C1orf50: variants seen among roughly 807,000 people sequenced by gnomAD.
The protein encoded by C1orf50 is uncharacterized protein C1orf50.
Under a neutral mutation model 23.3 loss-of-function variants are expected in C1orf50, and 22 were observed. The ratio of observed to expected loss-of-function variants is 0.94; its 90% CI spans 0.67 to 1.35. The LOEUF (loss-of-function observed/expected upper bound fraction) is 1.35. Among genes scored for constraint, C1orf50 ranks in the 40% most tolerant of loss-of-function variants. The pLI is 0.00. For missense variants in C1orf50, 271 were observed against 249.4 expected (o/e 1.09, Z -0.58); for synonymous variants, 96 against 102.4 (o/e 0.94, Z 0.38).
At chr1:42,770,767 A>G (rs115532857) in intron 2 of C1orf50, among the ~76,000 whole-genome samples, 1,815 of 152,176 alleles carry the variant, frequency 0.012, 45 homozygotes, top group African/African-American at 0.041. Flanking sequence ...TTCTTTTACC[A>G]TGGGCTACAA....
At chr1:42,767,704 C>T in intron 2 of C1orf50, 80 bp downstream of exon 2, 3 of 1,276,742 alleles carry the variant, frequency 2.3e-6, no homozygotes, top group Middle Eastern at 1.9e-4. Context: ...GACCTCACTA[C>T]CACCTATGGT....
intron 3 of C1orf50, 43 bp from the exon 4 acceptor site, chr1:42,774,694 G>A (rs1305646765): frequency 7.0e-6 from 11 of 1,567,798 alleles, no homozygotes; most frequent in Non-Finnish European, 5.2e-6. Context: ...GTGGGTGCCT[G>A]TTATCTCCAA....
rs1257725937 is a variant in C1orf50 at position 42,767,407 on chromosome 1, T to C, written c.79+17T>C. 48 of 1,553,224 alleles carry C rather than the reference T, an allele frequency of 3.1e-5. 1 individual carries two copies. In the East Asian group the frequency reaches 1.2e-3, roughly 37 times the overall value. ...GCCAGGGAGGTATGCGGGGCGGGAG[T>C]CAGCAGGGGGAAGTCAGCTCCCGCG... On this transcript the variant is annotated intron_variant, in intron 1 of 4. Coordinates refer to ENST00000372525, the MANE Select transcript of C1orf50 (RefSeq NM_024097.4).
At chr1:42,771,889 A>G (rs939451903) in intron 2 of C1orf50, among the ~76,000 whole-genome samples, 3 of 150,968 alleles carry the variant, frequency 2.0e-5, no homozygotes, top group African/African-American at 4.9e-5. Flanking sequence ...GAGGTGCGAG[A>G]TTTGCTTGAA....
chr1:42,774,829 G>A lies in C1orf50; in HGVS notation c.375G>A (p.Arg125=). Residue 125 remains arginine (R), a synonymous_variant, in exon 4 of 5, where the codon CGG becomes CGA. Transcript: ENST00000372525. The part of the protein sequence containing the change: ...KPGNIYYLYK[R]ESGQQYFSII... Reference sequence around the variant, plus strand: ...GCAACATTTACTATCTCTATAAACGGGAGAGTGGTCAGCAGTATTTTTCCA... The same window carrying A: ...GCAACATTTACTATCTCTATAAACGAGAGAGTGGTCAGCAGTATTTTTCCA... 3 of 1,613,230 alleles carry A rather than the reference G, an allele frequency of 1.9e-6. No homozygotes were observed. Among genetic ancestry groups the A allele is most frequent in the Non-Finnish European group, 2.5e-6 (3 of 1,179,738 alleles).
chr1:42,772,599 G>A (rs1653245676), intron 2 of C1orf50, among the ~76,000 whole-genome samples: 1 of 152,126 alleles, frequency 6.6e-6, no homozygotes, highest in Non-Finnish European at 1.5e-5. Flanking sequence ...TGGACAACAT[G>A]GTGAAACCCT....
Position 42,767,526 on chromosome 1 carries a change from A to G in C1orf50, c.97A>G (p.Thr33Ala). The stretch of plus-strand genomic sequence containing the variant: ...TGTCGCAGGAGCCCTGGTGGAGCTC[A>G]CCCCGACCCCCGGCGGCCTGGCCCT... ...AGQGGALVELTPTPGGLALVS... is the reference protein window; with the variant it reads ...AGQGGALVELAPTPGGLALVS... Residue 33 changes from threonine (T) to alanine (A), a missense_variant, in exon 2 of 5, where the codon ACC becomes GCC. Transcript: ENST00000372525. 6.3e-7 allele frequency: 1 copy of G among 1,584,186 alleles called. No homozygotes were observed. Among genetic ancestry groups the G allele is most frequent in the Non-Finnish European group, 8.6e-7 (1 of 1,165,944 alleles).
rs1288822423 is a variant in C1orf50, at chr1:42,777,638, C to T, written c.*2244C>T. On this transcript the variant is annotated 3_prime_UTR_variant, in exon 5 of 5. Transcript: ENST00000372525. ...GTTGGAAGCAAGTCACTAGGCTAGCCCATATTCAAGGGAGGGAGTTATACA... is the reference window on the plus strand; with the variant it reads ...GTTGGAAGCAAGTCACTAGGCTAGCTCATATTCAAGGGAGGGAGTTATACA... 2 of 152,030 alleles carry T rather than the reference C, an allele frequency of 1.3e-5. No homozygotes were observed. The highest frequency in any genetic ancestry group is 4.8e-5 in the African/African-American group (2 of 41,362). 9.4% of individuals were successfully genotyped at this position (152,030 alleles called of 1,614,324 possible). A position where few individuals can be genotyped will look rare whatever the true frequency, so the allele number is the denominator to read the frequency against.
rs1406856259 is a variant in C1orf50, at chr1:42,777,427, G to C, written c.*2033G>C. ...AATTCCACAAGGGTTGCTGGCTTCC[G>C]GGGTTCCACTAGCTGACTGTTGGCT... On this transcript the variant is annotated 3_prime_UTR_variant, in exon 5 of 5. Coordinates refer to ENST00000372525, the MANE Select transcript of C1orf50 (RefSeq NM_024097.4). 1 of 152,258 alleles carries C rather than the reference G, an allele frequency of 6.6e-6. No individual in the cohort carries two copies. The highest frequency in any genetic ancestry group is 2.4e-5 in the African/African-American group (1 of 41,452). The allele number at this position is 152,258 out of a possible 1,614,324, so 9.4% of individuals were successfully genotyped here.
Position 42,777,606 on chromosome 1 carries a change from T to C in C1orf50, c.*2212T>C, listed in dbSNP as rs1653365516. 6.6e-6 allele frequency: 1 copy of C among 152,226 alleles called. No individual in the cohort carries two copies. Among genetic ancestry groups the C allele is most frequent in the Non-Finnish European group, 1.5e-5 (1 of 68,058 alleles). 9.4% of individuals were successfully genotyped at this position (152,226 alleles called of 1,614,324 possible). On this transcript the variant is annotated 3_prime_UTR_variant, in exon 5 of 5. Transcript: ENST00000372525. ...TGACATTTCATCACCTTTGCCGTAA[T>C]CTTTTGGTTGGAAGCAAGTCACTAG...
At position 42,774,738 on chromosome 1, in the gene C1orf50, T is replaced by G. The variant is rs908162794; in HGVS notation, c.284T>G (p.Val95Gly). The G allele has an allele frequency of 1.9e-6, 3 of 1,609,844 alleles. No homozygotes were observed. The East Asian group carries it at 6.7e-5, about 36-fold the overall frequency. Residue 95 changes from valine to glycine, a missense_variant and splice_region_variant, in exon 4 of 5, where the codon GTA (valine) becomes GGA (glycine). Physicochemically the swap from Val to Gly is moderately radical, Grantham distance 109. Coordinates refer to ENST00000372525, the MANE Select transcript of C1orf50 (RefSeq NM_024097.4). The part of the protein sequence containing the change: ...IQHLQEQARK[V>G]LEDAHRDANL... Reference sequence around the variant, plus strand: ...TTGTTACATATCTGTGATTCATAGGTACTGGAAGATGCTCACAGAGATGCC... The same window carrying G: ...TTGTTACATATCTGTGATTCATAGGGACTGGAAGATGCTCACAGAGATGCC...
At chr1:42,770,340 G>T (rs552901525) in intron 2 of C1orf50, among the ~76,000 whole-genome samples, 1 of 152,112 alleles carries the variant, frequency 6.6e-6, no homozygotes, top group South Asian at 2.1e-4. Context: ...AGAAAAGGGA[G>T]GGTTATTATA....
At chr1:42,771,420 C>T (rs1653218569) in intron 2 of C1orf50, among the ~76,000 whole-genome samples, 1 of 152,066 alleles carries the variant, frequency 6.6e-6, no homozygotes, top group South Asian at 2.1e-4. Flanking sequence ...GTATGTGAAT[C>T]AACTTTTTCA....
chr1:42,770,173 T>A (rs1469703899), intron 2 of C1orf50, among the ~76,000 whole-genome samples: 2 of 152,210 alleles, frequency 1.3e-5, no homozygotes, highest in Non-Finnish European at 2.9e-5. Flanking sequence ...ATGAGGCTCT[T>A]TTGTTTTTAA....
At chr1:42,774,976 T>C (rs1447697805) in intron 4 of C1orf50, 108 bp downstream of exon 4, 6 of 1,371,720 alleles carry the variant, frequency 4.4e-6, no homozygotes, top group Admixed American at 4.2e-5. Flanking sequence ...TCTTAGAAAA[T>C]TGGGGGTGAT....
intron 2 of C1orf50, 127 bp downstream of exon 2, chr1:42,767,751 G>T (rs764766592): frequency 2.4e-6 from 2 of 816,512 alleles, no homozygotes; most frequent in Non-Finnish European, 1.9e-6. Flanking sequence ...TTTTACAGAC[G>T]AGTAAAGCCG....
At position 42,775,762 on chromosome 1, in the gene C1orf50, T is replaced by TTATATATATATATATATA. The variant is rs35859868; in HGVS notation, c.*375_*392dup. On this transcript the variant is annotated 3_prime_UTR_variant, in exon 5 of 5. Transcript: ENST00000372525. ...TCCAGAGAGAACTGTTTTCAGTCTT[T>TTATATATATATATATATA]TATATATATATATATATATATATAA... 7.9e-4 allele frequency: 107 copies of TTATATATATATATATATA among 135,976 alleles called. 2 individuals are homozygous for TTATATATATATATATATA. The South Asian group carries it at 7.9e-3, about 10-fold the overall frequency. The allele number at this position is 135,976 out of a possible 1,614,324, so 8.4% of individuals were successfully genotyped here. A position where few individuals can be genotyped will look rare whatever the true frequency, so the allele number is the denominator to read the frequency against.
intron 2 of C1orf50, among the ~76,000 whole-genome samples, chr1:42,768,652 A>G (rs1653145769): frequency 6.6e-6 from 1 of 152,200 alleles, no homozygotes; most frequent in Admixed American, 6.5e-5. Context: ...GCTGGGGAGC[A>G]AAGTGCAACT....
Position 42,767,323 on chromosome 1 carries a change from C to G in C1orf50, c.12C>G (p.Ala4=). MED[A]AAPGRTEGVL... ...GATAAGGCGCTGTCATGGAGGACGC[C>G]GCCGCGCCGGGGCGGACCGAGGGGG... Residue 4 remains alanine, a synonymous_variant, in exon 1 of 5, where the codon GCC becomes GCG. Transcript: ENST00000372525. 10 of 1,517,182 alleles carry G rather than the reference C, an allele frequency of 6.6e-6. No individual in the cohort carries two copies. The highest frequency in any genetic ancestry group is 8.8e-6 in the Non-Finnish European group (10 of 1,138,098). 94.0% of individuals were successfully genotyped at this position (1,517,182 alleles called of 1,614,324 possible). A position where few individuals can be genotyped will look rare whatever the true frequency, so the allele number is the denominator to read the frequency against.
Sources: gnomAD v4.1 joint callset for allele counts (sites outside exome capture counted in the v4.1 genomes callset) on GRCh38, gnomAD v4.1.1 for gene constraint, MANE v1.5 for transcripts, NCBI Gene and HGNC (gene_info 2026-07-23, HGNC 2026-07-21) for gene names.